Variants in POLR2F observed in about 807,000 individuals in gnomAD.
POLR2F encodes the protein RNA polymerase II, I and III subunit F, also known as DNA-directed RNA polymerases I, II, and III subunit RPABC2.
POLR2F carries 12 observed loss-of-function variants against 22.7 expected under a neutral mutation model. That is an observed-to-expected ratio of 0.53 (90% CI 0.34 to 0.86). The LOEUF (loss-of-function observed/expected upper bound fraction) is 0.86. Among genes scored for constraint, POLR2F ranks in the 40% least tolerant of loss-of-function variants. The pLI, the probability that POLR2F is intolerant of heterozygous loss-of-function variation, is 0.02. For missense variants in POLR2F, 126 were observed against 171.5 expected, an observed-to-expected ratio of 0.73 and a Z score of 1.48; for synonymous variants, 57 against 66.0, an observed-to-expected ratio of 0.86 and a Z score of 0.66.
chr22:37,983,264 C>T, upstream of POLR2F: 4 of 1,411,342 alleles, frequency 2.8e-6, no homozygotes, highest in Non-Finnish European at 3.9e-6. The surrounding 1 kb of genome is among the most constrained non-coding windows in gnomAD (Gnocchi z 9.5). Flanking sequence ...CCAGACAGTC[C>T]CGCTCTGAGG....
chr22:38,039,369 T>C (rs2085149823), intron 5 of POLR2F, among the ~76,000 whole-genome samples: 2 of 152,046 alleles, frequency 1.3e-5, no homozygotes, highest in African/African-American at 4.8e-5. Flanking sequence ...CCTGCCCACG[T>C]CCCCTCACAG....
At chr22:37,973,584 C>T (rs760909228), downstream of POLR2F, 3 of 1,613,074 alleles carry the variant, frequency 1.9e-6, no homozygotes, top group Non-Finnish European at 2.5e-6. Flanking sequence ...TCAGAGATGG[C>T]CGTGTAGAGG....
Position 37,959,421 on chromosome 22 carries a change from T to C in POLR2F, c.166T>C (p.Tyr56His). 1 of 1,614,108 alleles carries C rather than the reference T, an allele frequency of 6.2e-7. No individual in the cohort carries two copies. Among genetic ancestry groups the C allele is most frequent in the Non-Finnish European group, 8.5e-7 (1 of 1,179,980 alleles). Residue 56 changes from tyrosine to histidine, a missense_variant, in exon 3 of 5, where the codon TAC becomes CAC. Coordinates refer to ENST00000442738, the MANE Select transcript of POLR2F (RefSeq NM_021974.5). ...CAACCAGAAGCGAATCACCACACCA[T>C]ACATGACCAAGTACGAGCGAGCCCG... ...QANQKRITTP[Y>H]MTKYERARVL... is the part of the protein sequence containing the mutation.
downstream of POLR2F, among the ~76,000 whole-genome samples, chr22:37,969,610 C>A (rs1931984845): frequency 6.6e-6 from 1 of 152,172 alleles, no homozygotes; most frequent in African/African-American, 2.4e-5. Flanking sequence ...TATCCCTCAT[C>A]CCACGGCGAG....
exon 2 of POLR2F, chr22:38,026,103 G>T (rs755528019): frequency 1.9e-6 from 1 of 533,910 alleles, no homozygotes; most frequent in African/African-American, 1.9e-5. Context: ...AGGTGCCCCT[G>T]CCTGGATCCC....
At chr22:37,990,423 C>T (rs1468058679) in intron 1 of POLR2F, among the ~76,000 whole-genome samples, 1 of 152,272 alleles carries the variant, frequency 6.6e-6, no homozygotes, top group Non-Finnish European at 1.5e-5. Flanking sequence ...TCTGAGAAGC[C>T]TTCAGAGAAG....
At chr22:38,010,566 T>C (rs1394071776) in intron 1 of POLR2F, among the ~76,000 whole-genome samples, 5 of 151,446 alleles carry the variant, frequency 3.3e-5, no homozygotes, top group African/African-American at 1.2e-4. Context: ...CTAATAAATA[T>C]GTATATGTAA....
At chr22:38,023,035 A>G (rs544384417) in intron 1 of POLR2F, among the ~76,000 whole-genome samples, 15 of 152,340 alleles carry the variant, frequency 9.8e-5, no homozygotes, top group Non-Finnish European at 1.5e-4. Context: ...AGACAAAAAA[A>G]CAAACAAAGA....
intron 4 of POLR2F, among the ~76,000 whole-genome samples, chr22:37,977,250 A>G (rs117619434): frequency 1.3e-5 from 2 of 149,962 alleles, no homozygotes; most frequent in Non-Finnish European, 3.0e-5. Flanking sequence ...TCTCAAAACC[A>G]TCCTGTCTTC....
intron 1 of POLR2F, among the ~76,000 whole-genome samples, chr22:38,008,526 CAG>C (rs976403290): frequency 1.3e-5 from 2 of 150,148 alleles, no homozygotes; most frequent in East Asian, 3.9e-4. Context: ...GCCTAGGTGA[CAG>C]AGAGAGACTC....
chr22:37,994,124 A>G (rs1355034608), intron 1 of POLR2F, among the ~76,000 whole-genome samples: 1 of 152,186 alleles, frequency 6.6e-6, no homozygotes, highest in African/African-American at 2.4e-5. Context: ...TGTCTTGTCT[A>G]TAATCAAGCC....
At position 38,004,630 on chromosome 22, in the gene POLR2F, T is replaced by G. The variant is rs79875742; in HGVS notation, c.120+18318T>G. ...ATTACCTCTGTAAGAAAACAATAAA[T>G]AAATAAAACCCAGTGTCAAAAACCA... is the stretch of plus-strand genomic sequence containing the variant. On this transcript the variant is annotated intron_variant, in intron 1 of 2. Coordinates refer to the POLR2F transcript ENST00000333418. Among the ~76,000 whole-genome samples, 1,505 of 152,034 alleles carry G rather than the reference T, an allele frequency of 9.9e-3. 28 individuals carry two copies. The highest frequency in any genetic ancestry group is 0.035 in the African/African-American group (1,458 of 41,488).
chr22:37,982,789 A>T (rs1437235260), upstream of POLR2F, among the ~76,000 whole-genome samples: 1 of 152,140 alleles, frequency 6.6e-6, no homozygotes, highest in East Asian at 1.9e-4. Context: ...GGGTGGCGTC[A>T]GAAAGTCCCA....
chr22:38,026,735 C>T (rs1301873624), downstream of POLR2F: 2 of 186,688 alleles, frequency 1.1e-5, no homozygotes, highest in East Asian at 2.8e-4. Context: ...CTTTCTGTGC[C>T]CAGGCAGGCT....
chr22:38,033,099 C>T (rs1300109331), intron 5 of POLR2F: 2 of 165,010 alleles, frequency 1.2e-5, no homozygotes. Flanking sequence ...GTTGAGGCTG[C>T]AGTGAGTTGT....
chr22:37,981,760 G>A (rs1932403774), upstream of POLR2F, among the ~76,000 whole-genome samples: 2 of 152,210 alleles, frequency 1.3e-5, no homozygotes, highest in African/African-American at 4.8e-5. Flanking sequence ...AGATCTGGAT[G>A]GACCTTGGGT....
intron 1 of POLR2F, among the ~76,000 whole-genome samples, chr22:38,002,957 C>T (rs1032683512): frequency 6.6e-6 from 1 of 152,036 alleles, no homozygotes; most frequent in African/African-American, 2.4e-5. Flanking sequence ...GATCTCCTGA[C>T]CTCGTGATCT....
intron 1 of POLR2F, among the ~76,000 whole-genome samples, chr22:38,006,747 A>T (rs2084824898): frequency 1.3e-5 from 2 of 152,194 alleles, no homozygotes. Context: ...TTGGGTCAGC[A>T]ACCATGGCCC....
chr22:38,005,479 G>T (rs2084813019), intron 1 of POLR2F, among the ~76,000 whole-genome samples: 1 of 152,234 alleles, frequency 6.6e-6, no homozygotes, highest in African/African-American at 2.4e-5. Flanking sequence ...CAGCTCAGGG[G>T]TGATGGAACC....
Sources: allele counts gnomAD v4.1 joint callset (sites outside exome capture counted in the v4.1 genomes callset), GRCh38; gene constraint gnomAD v4.1.1; non-coding constraint Gnocchi (gnomAD v3.1); transcripts MANE v1.5; gene names NCBI Gene and HGNC (gene_info 2026-07-23, HGNC 2026-07-21).